Variants in MACROD2 observed in about 807,000 individuals in gnomAD.
MACROD2 encodes mono-ADP ribosylhydrolase 2.
MACROD2 carries 36 observed loss-of-function variants against 70.4 expected under a neutral mutation model. The observed-to-expected ratio is 0.51, with a 90% CI of 0.39 to 0.68. MACROD2 has a LOEUF of 0.68. Among genes scored for constraint, MACROD2 ranks in the 30% least tolerant of loss-of-function variants. The pLI is 0.00. For missense variants in MACROD2, 496 were observed against 538.4 expected, an observed-to-expected ratio of 0.92 and a Z score of 0.78; for synonymous variants, 172 against 178.8, an observed-to-expected ratio of 0.96 and a Z score of 0.30.
At chr20:14,900,165 T>G (rs1431542759) in intron 5 of MACROD2, among the ~76,000 whole-genome samples, 2 of 152,114 alleles carry the variant, frequency 1.3e-5, no homozygotes, top group Non-Finnish European at 2.9e-5. Flanking sequence ...TAGCTCCCAC[T>G]TGGTCATGAT....
chr20:14,740,817 G>C (rs2071723995), intron 5 of MACROD2, among the ~76,000 whole-genome samples: 1 of 152,108 alleles, frequency 6.6e-6, no homozygotes, highest in Non-Finnish European at 1.5e-5. Context: ...TCTTGTTACT[G>C]AAGTGGGCCC....
chr20:15,479,166 A>T (rs1189243519), intron 7 of MACROD2, among the ~76,000 whole-genome samples: 1 of 152,122 alleles, frequency 6.6e-6, no homozygotes, highest in African/African-American at 2.4e-5. Context: ...GGCTCTAGAC[A>T]GGAAAATGTG....
intron 3 of MACROD2, among the ~76,000 whole-genome samples, chr20:14,245,763 C>T (rs1024203521): frequency 6.6e-6 from 1 of 152,094 alleles, no homozygotes; most frequent in South Asian, 2.1e-4. Context: ...TTGTCCTGTT[C>T]CCATTGCCAT....
chr20:15,645,203 A>T (rs941500728), intron 8 of MACROD2, among the ~76,000 whole-genome samples: 2 of 152,212 alleles, frequency 1.3e-5, no homozygotes, highest in Non-Finnish European at 2.9e-5. Context: ...AATGGTGGAC[A>T]GTTGCCTCCT....
At chr20:14,129,085 T>C (rs955643457) in intron 3 of MACROD2, among the ~76,000 whole-genome samples, 3 of 152,226 alleles carry the variant, frequency 2.0e-5, no homozygotes, top group Non-Finnish European at 4.4e-5. Context: ...AAGTATATTT[T>C]ATAAGGCTAT....
intron 5 of MACROD2, among the ~76,000 whole-genome samples, chr20:14,805,052 G>A (rs758253563): frequency 1.5e-4 from 23 of 151,944 alleles, no homozygotes; most frequent in Non-Finnish European, 1.6e-4. Flanking sequence ...CAGTGGGTCC[G>A]TGGATCCTCT....
At chr20:15,677,579 G>A (rs1285629389) in intron 8 of MACROD2, among the ~76,000 whole-genome samples, 1 of 152,016 alleles carries the variant, frequency 6.6e-6, no homozygotes, top group African/African-American at 2.4e-5. Context: ...GAGAACACTG[G>A]CCACTGTGTG....
intron 5 of MACROD2, chr20:14,905,846 C>T (rs1348266702): frequency 6.6e-6 from 1 of 152,174 alleles, no homozygotes; most frequent in Non-Finnish European, 1.5e-5. Flanking sequence ...ATCTCCAGCT[C>T]CTGAACCACT....
intron 2 of MACROD2, among the ~76,000 whole-genome samples, chr20:14,022,079 G>C (rs1225655847): frequency 6.6e-6 from 1 of 152,178 alleles, no homozygotes; most frequent in Non-Finnish European, 1.5e-5. Flanking sequence ...ATATGTTATA[G>C]GAAGAGGATG....
At chr20:14,184,640 T>C (rs948463333) in intron 3 of MACROD2, among the ~76,000 whole-genome samples, 8 of 152,152 alleles carry the variant, frequency 5.3e-5, no homozygotes, top group Non-Finnish European at 7.4e-5. Context: ...ATTTTCACGA[T>C]ATTGATTCTT....
intron 8 of MACROD2, among the ~76,000 whole-genome samples, chr20:15,634,016 C>T (rs457904): frequency 0.022 from 3,338 of 152,304 alleles, 112 homozygotes; most frequent in East Asian, 0.15. Flanking sequence ...ACATATCCTT[C>T]ATCTTTCCCC....
At chr20:14,770,258 A>T (rs1482145072) in intron 5 of MACROD2, among the ~76,000 whole-genome samples, 1 of 151,870 alleles carries the variant, frequency 6.6e-6, no homozygotes, top group African/African-American at 2.4e-5. Flanking sequence ...TGGTGAACAT[A>T]TGTTACTTAC....
At chr20:14,520,162 G>T (rs560012041) in intron 4 of MACROD2, among the ~76,000 whole-genome samples, 2 of 152,218 alleles carry the variant, frequency 1.3e-5, no homozygotes, top group South Asian at 4.1e-4. Flanking sequence ...CAAACCCTGT[G>T]ACATGAGTTT....
chr20:14,943,078 C>T (rs1290299389), intron 5 of MACROD2, among the ~76,000 whole-genome samples: 2 of 152,174 alleles, frequency 1.3e-5, no homozygotes, highest in Non-Finnish European at 2.9e-5. Context: ...ATTAAATAAA[C>T]CTTTTGCATG....
At chr20:15,887,986 G>A (rs762876165) in intron 10 of MACROD2, among the ~76,000 whole-genome samples, 21 of 152,202 alleles carry the variant, frequency 1.4e-4, no homozygotes, top group South Asian at 1.0e-3. Context: ...CTGTTTGGAG[G>A]TCCCCGATAG....
chr20:14,098,113 C>G (rs1441203607), intron 3 of MACROD2, among the ~76,000 whole-genome samples: 2 of 152,150 alleles, frequency 1.3e-5, no homozygotes, highest in African/African-American at 2.4e-5. Flanking sequence ...GCCTTATATA[C>G]AGACACATCA....
At chr20:14,586,328 T>A (rs1384210919) in intron 4 of MACROD2, among the ~76,000 whole-genome samples, 1 of 152,094 alleles carries the variant, frequency 6.6e-6, no homozygotes, top group Non-Finnish European at 1.5e-5. Flanking sequence ...ATGACTCTTT[T>A]ATATTCTTAG....
At chr20:15,997,262 G>A (rs1283660407) in intron 15 of MACROD2, among the ~76,000 whole-genome samples, 1 of 151,844 alleles carries the variant, frequency 6.6e-6, no homozygotes, top group East Asian at 1.9e-4. Flanking sequence ...ATTGTGATAG[G>A]GATTACGTTG....
At chr20:15,348,870 C>G (rs1274390110) in intron 6 of MACROD2, among the ~76,000 whole-genome samples, 1 of 152,036 alleles carries the variant, frequency 6.6e-6, no homozygotes, top group Non-Finnish European at 1.5e-5. Flanking sequence ...TGGGCGGGGT[C>G]ACAGCCAAAC....
Sources: gnomAD v4.1 joint callset for allele counts (sites outside exome capture counted in the v4.1 genomes callset) on GRCh38, gnomAD v4.1.1 for gene constraint, MANE v1.5 for transcripts, NCBI Gene and HGNC (gene_info 2026-07-23, HGNC 2026-07-21) for gene names.